ZBTB20: variants seen among roughly 807,000 people sequenced by gnomAD.
The protein encoded by ZBTB20 is zinc finger and BTB domain-containing protein 20.
Under a neutral mutation model 56.9 loss-of-function variants are expected in ZBTB20, and 9 were observed. The observed-to-expected ratio is 0.16, with a 90% confidence interval of 0.10 to 0.28. The LOEUF (loss-of-function observed/expected upper bound fraction) is 0.28. Ranked by LOEUF, ZBTB20 falls within the 10% of genes least tolerant of loss-of-function variation. The probability of loss-of-function intolerance (pLI) is 1.00; values close to 1 mark genes in which losing one functional copy is unlikely to be tolerated. For synonymous variants in ZBTB20, 417 were observed against 420.7 expected (o/e 0.99, Z 0.11); for missense variants, 655 against 1,003.0 (o/e 0.65, Z 4.69).
intron 4 of ZBTB20, among the ~76,000 whole-genome samples, chr3:114,844,537 A>AAAC (rs2074574796): frequency 1.4e-5 from 2 of 138,810 alleles, no homozygotes; most frequent in Non-Finnish European, 3.1e-5. Flanking sequence ...AAAAAAAAAA[A>AAAC]AAAAAAAAAA....
At chr3:114,980,285 G>GGTAAA (rs1438524738) in intron 2 of ZBTB20, among the ~76,000 whole-genome samples, 7 of 151,872 alleles carry the variant, frequency 4.6e-5, no homozygotes, top group Admixed American at 1.3e-4. Context: ...AATCTAACCT[G>GGTAAA]CTTAATTATT....
intron 10 of ZBTB20, among the ~76,000 whole-genome samples, chr3:114,367,534 C>T (rs924260151): frequency 1.3e-5 from 2 of 152,188 alleles, no homozygotes; most frequent in African/African-American, 2.4e-5. Flanking sequence ...GTTGGGATTA[C>T]AGGCGTGAGC....
At chr3:114,541,693 C>T (rs1377156299) in intron 6 of ZBTB20, among the ~76,000 whole-genome samples, 2 of 152,126 alleles carry the variant, frequency 1.3e-5, no homozygotes, top group Non-Finnish European at 2.9e-5. Flanking sequence ...TATGACAAAG[C>T]ATATTCATGT....
intron 10 of ZBTB20, among the ~76,000 whole-genome samples, chr3:114,363,987 T>A (rs2082138461): frequency 6.6e-6 from 1 of 152,220 alleles, no homozygotes; most frequent in Non-Finnish European, 1.5e-5. Flanking sequence ...TACTATTGAA[T>A]ACATAACAGT....
chr3:115,013,464 C>T (rs527958761), intron 2 of ZBTB20, among the ~76,000 whole-genome samples: 1 of 151,586 alleles, frequency 6.6e-6, no homozygotes, highest in East Asian at 2.0e-4. Flanking sequence ...CACATGCAAG[C>T]TACTAAAATT....
intron 6 of ZBTB20, among the ~76,000 whole-genome samples, chr3:114,667,822 G>A (rs918226283): frequency 1.3e-5 from 2 of 151,882 alleles, no homozygotes; most frequent in Non-Finnish European, 1.5e-5. Context: ...TGTGTTTTCT[G>A]GGAAAAATGT....
intron 1 of ZBTB20, among the ~76,000 whole-genome samples, chr3:115,132,074 GA>G (rs201018277): frequency 2.0e-5 from 3 of 150,132 alleles, no homozygotes; most frequent in East Asian, 2.0e-4. Context: ...CTTCAAAAAA[GA>G]AAAAAAAATC....
chr3:114,585,098 G>A (rs1200096107), intron 6 of ZBTB20, among the ~76,000 whole-genome samples: 2 of 152,012 alleles, frequency 1.3e-5, no homozygotes, highest in Non-Finnish European at 2.9e-5. Context: ...CTACACACTC[G>A]AGGAACCCCA....
rs779637861 is a variant in ZBTB20 at position 114,996,130 on chromosome 3, T to G, written c.-506-21714A>C. Among the ~76,000 whole-genome samples the G allele has an allele frequency of 7.2e-5, 11 of 151,986 alleles. No individual in the cohort carries two copies. In the South Asian group the frequency reaches 1.5e-3, roughly 20 times the overall value. On this transcript the variant is annotated intron_variant, in intron 2 of 11. Coordinates refer to ENST00000675478, the MANE Select transcript of ZBTB20 (RefSeq NM_001348800.3). Reference sequence around the variant, plus strand: ...TGGCCAGATCATGGCACATGTCTTTTATTATGAGGACACTGCCTTATCAAA... The same window carrying G: ...TGGCCAGATCATGGCACATGTCTTTGATTATGAGGACACTGCCTTATCAAA...
chr3:115,121,207 G>A (rs988734266), intron 1 of ZBTB20, among the ~76,000 whole-genome samples: 5 of 151,934 alleles, frequency 3.3e-5, no homozygotes, highest in African/African-American at 1.2e-4. Context: ...TGTTCATTGG[G>A]CTGATTTACT....
intron 5 of ZBTB20, among the ~76,000 whole-genome samples, chr3:114,749,532 A>G (rs1882287): frequency 0.92 from 138,622 of 150,890 alleles, 64,862 homozygotes; most frequent in East Asian, 1. Flanking sequence ...CAACCCAGGC[A>G]ACAGTCCGTG....
At chr3:115,041,439 A>G (rs1357471947) in intron 2 of ZBTB20, among the ~76,000 whole-genome samples, 1 of 152,184 alleles carries the variant, frequency 6.6e-6, no homozygotes, top group Non-Finnish European at 1.5e-5. Context: ...ATGTTTCACA[A>G]CTGAAAAACA....
chr3:115,096,079 G>C (rs543207030), intron 1 of ZBTB20, among the ~76,000 whole-genome samples: 1 of 152,312 alleles, frequency 6.6e-6, no homozygotes, highest in Non-Finnish European at 1.5e-5. Context: ...AATGCTGACT[G>C]TATTAGCACT....
In ZBTB20 at chr3:114,493,077, C is replaced by T. The variant is rs548276866; in HGVS notation, c.-255+7275G>A. 1.3e-4 allele frequency among the ~76,000 whole-genome samples: 20 copies of T among 152,160 alleles called. No individual in the cohort carries two copies. In the South Asian group the frequency reaches 4.0e-3, roughly 30 times the overall value. On this transcript the variant is annotated intron_variant, in intron 7 of 11. Coordinates refer to ENST00000675478, the MANE Select transcript of ZBTB20 (RefSeq NM_001348800.3). ...GTCATCCACAAGTATGTTCTCAATCCTTACATATTTTTTTCATTTCAAGAG... is the reference window on the plus strand; with the variant it reads ...GTCATCCACAAGTATGTTCTCAATCTTTACATATTTTTTTCATTTCAAGAG...
intron 6 of ZBTB20, among the ~76,000 whole-genome samples, chr3:114,657,469 T>TA (rs1473670797): frequency 6.6e-6 from 1 of 152,214 alleles, no homozygotes; most frequent in Non-Finnish European, 1.5e-5. Flanking sequence ...TCCAGGCACT[T>TA]ATAGGCTCCC....
chr3:114,922,897 G>T (rs2076014090), intron 3 of ZBTB20, among the ~76,000 whole-genome samples: 1 of 152,128 alleles, frequency 6.6e-6, no homozygotes, highest in Non-Finnish European at 1.5e-5. Flanking sequence ...CTCTCATTAG[G>T]CCTGATAGCT....
intron 6 of ZBTB20, among the ~76,000 whole-genome samples, chr3:114,609,278 T>C (rs1426019754): frequency 2.0e-5 from 3 of 152,142 alleles, no homozygotes; most frequent in African/African-American, 7.2e-5. Flanking sequence ...TTGAGGAAAA[T>C]TGAATTTTGA....
chr3:115,107,355 A>G (rs1479555989), intron 1 of ZBTB20, among the ~76,000 whole-genome samples: 3 of 152,030 alleles, frequency 2.0e-5, no homozygotes, highest in African/African-American at 7.2e-5. Flanking sequence ...AGGAGGTCAA[A>G]GCAGCAGTGA....
chr3:114,719,795 G>A (rs1414643242), intron 5 of ZBTB20, among the ~76,000 whole-genome samples: 1 of 152,100 alleles, frequency 6.6e-6, no homozygotes, highest in African/African-American at 2.4e-5. Context: ...CTGAGGTACA[G>A]GGTAAAGCTG....
Sources: gnomAD v4.1 joint callset for allele counts (sites outside exome capture counted in the v4.1 genomes callset) on GRCh38, gnomAD v4.1.1 for gene constraint, MANE v1.5 for transcripts, NCBI Gene and HGNC (gene_info 2026-07-23, HGNC 2026-07-21) for gene names.